The following RIC8B variants were observed in gnomAD, a reference collection of about 807,000 sequenced individuals.
RIC8B encodes the protein chaperone Ric-8B.
A neutral mutation model predicts 57.5 loss-of-function variants in RIC8B; 16 were observed. That is an observed-to-expected ratio of 0.28 (90% CI 0.19 to 0.42). RIC8B has a LOEUF of 0.42. RIC8B is among the 10% of genes least tolerant of loss of function. The pLI, the probability that RIC8B is intolerant of heterozygous loss-of-function variation, is 1.00. For missense variants in RIC8B, 481 were observed against 677.0 expected, an observed-to-expected ratio of 0.71 and a Z score of 3.21; for synonymous variants, 216 against 250.8, an observed-to-expected ratio of 0.86 and a Z score of 1.31.
At chr12:106,823,324 A>G (rs1236127851) in intron 3 of RIC8B, 2 of 406,838 alleles carry the variant, frequency 4.9e-6, no homozygotes, top group African/African-American at 2.0e-5. Context: ...GAGGCAAACA[A>G]TCCAGGGATT....
In RIC8B at chr12:106,887,666, A is replaced by G. The variant is rs1182694350; in HGVS notation, c.*1651A>G. 6.6e-6 allele frequency: 1 copy of G among 152,236 alleles called. No individual in the cohort carries two copies. The highest frequency in any genetic ancestry group is 1.9e-4 in the East Asian group (1 of 5,202). 9.4% of individuals were successfully genotyped at this position (152,236 alleles called of 1,614,324 possible). On this transcript the variant is annotated 3_prime_UTR_variant, in exon 10 of 10. Coordinates refer to ENST00000392837, the MANE Select transcript of RIC8B (RefSeq NM_001330145.2). ...AAGAATGGCAAAGAAAGAGGCTGCT[A>G]GATTGAAGGCAGGCATACTGAAAGA...
chr12:106,779,327 G>A (rs967206631), intron 1 of RIC8B, among the ~76,000 whole-genome samples: 3 of 151,912 alleles, frequency 2.0e-5, no homozygotes, highest in Non-Finnish European at 2.9e-5. Context: ...CGCCTCCCAG[G>A]TTCAAGCGAT....
intron 2 of RIC8B, among the ~76,000 whole-genome samples, chr12:106,797,556 T>A (rs1280569170): frequency 6.6e-6 from 1 of 152,222 alleles, no homozygotes; most frequent in Non-Finnish European, 1.5e-5. Flanking sequence ...ATGATGAGAA[T>A]GTTCTAAAAT....
rs566777609 is a variant in RIC8B at position 106,787,184 on chromosome 12, T to G, written c.132+3140T>G. 2.0e-5 allele frequency among the ~76,000 whole-genome samples: 3 copies of G among 152,332 alleles called. No individual in the cohort carries two copies. The South Asian group carries it at 6.2e-4, about 32-fold the overall frequency. ...TTATTACCAGTTACAGTGTGTAGGT[T>G]TCTGCTTCCTGGGAGGTCTGTTATA... is the stretch of plus-strand genomic sequence containing the variant. On this transcript the variant is annotated intron_variant, in intron 2 of 9. Transcript: ENST00000392837.
At chr12:106,822,381 A>AAAGAT (rs1400691135) in intron 3 of RIC8B, 6 of 152,232 alleles carry the variant, frequency 3.9e-5, no homozygotes, top group African/African-American at 1.4e-4. Flanking sequence ...ACATATGGAT[A>AAAGAT]TAACCTGTGA....
At chr12:106,803,441 G>A (rs141144929) in intron 2 of RIC8B, among the ~76,000 whole-genome samples, 1,674 of 152,128 alleles carry the variant, frequency 0.011, 11 homozygotes, top group South Asian at 0.045. Context: ...TGTGCAGCTC[G>A]TTTCTAGACT....
intron 3 of RIC8B, among the ~76,000 whole-genome samples, chr12:106,822,077 CAAAAAAAA>C (rs67378158): frequency 1.3e-4 from 5 of 38,038 alleles, no homozygotes; most frequent in Admixed American, 8.2e-4. Context: ...GACTCCATCT[CAAAAAAAA>C]AAAAAAAAAA....
rs577076760 is a variant in RIC8B, at chr12:106,819,280, C to T, written c.741+3976C>T. ...CAGTGCTCCAAGTTCCTCCCTCTCACTTTAAATAAAGAGCACCAATTGTTC... is the reference window on the plus strand; with the variant it reads ...CAGTGCTCCAAGTTCCTCCCTCTCATTTTAAATAAAGAGCACCAATTGTTC... On this transcript the variant is annotated intron_variant, in intron 3 of 9. Coordinates refer to ENST00000392837, the MANE Select transcript of RIC8B (RefSeq NM_001330145.2). Among the ~76,000 whole-genome samples the T allele has an allele frequency of 3.9e-5, 6 of 152,268 alleles. No individual in the cohort carries two copies. The South Asian group carries it at 1.2e-3, about 32-fold the overall frequency.
At chr12:106,841,889 T>C (rs1021469794) in intron 4 of RIC8B, among the ~76,000 whole-genome samples, 4 of 152,158 alleles carry the variant, frequency 2.6e-5, no homozygotes, top group African/African-American at 7.2e-5. Context: ...GCCAAAAATA[T>C]AAGGTTTGGG....
In RIC8B at chr12:106,879,295, A is replaced by G. The variant is rs1044968615; in HGVS notation, c.1572-6609A>G. The G allele has an allele frequency of 4.1e-6, 4 of 985,282 alleles. No homozygotes were observed. The African/African-American group carries it at 5.2e-5, about 13-fold the overall frequency. 61.0% of individuals were successfully genotyped at this position (985,282 alleles called of 1,614,324 possible). ...AGAGTATTCTCTTGCTTTCAGGTCA[A>G]GTAAAGTGTTTTATACACATACACG... On this transcript the variant is annotated intron_variant, in intron 9 of 9. Coordinates refer to ENST00000392837, the MANE Select transcript of RIC8B (RefSeq NM_001330145.2). This position sits in a 1 kb window ranked among gnomAD's most constrained non-coding sequence, Gnocchi z 4.9.
intron 1 of RIC8B, chr12:106,775,178 A>G (rs1593042611): frequency 4.8e-6 from 2 of 418,472 alleles, no homozygotes; most frequent in South Asian, 3.9e-5. Context: ...CCTCACCTGT[A>G]TAGCATAAAA....
In RIC8B at chr12:106,887,657, G is replaced by A. The variant is rs1192955181; in HGVS notation, c.*1642G>A. ...AGCTCACAAAAGAATGGCAAAGAAAGAGGCTGCTAGATTGAAGGCAGGCAT... is the reference window on the plus strand; with the variant it reads ...AGCTCACAAAAGAATGGCAAAGAAAAAGGCTGCTAGATTGAAGGCAGGCAT... On this transcript the variant is annotated 3_prime_UTR_variant, in exon 10 of 10. Transcript: ENST00000392837. The A allele has an allele frequency of 6.6e-6, 1 of 152,192 alleles. No homozygotes were observed. Among genetic ancestry groups the A allele is most frequent in the Non-Finnish European group, 1.5e-5 (1 of 68,032 alleles). 9.4% of individuals were successfully genotyped at this position (152,192 alleles called of 1,614,324 possible). A position where few individuals can be genotyped will look rare whatever the true frequency, so the allele number is the denominator to read the frequency against.
intron 8 of RIC8B, among the ~76,000 whole-genome samples, chr12:106,861,779 A>T (rs1376362631): frequency 6.6e-6 from 1 of 152,120 alleles, no homozygotes; most frequent in Non-Finnish European, 1.5e-5. Flanking sequence ...TCATTAAAAT[A>T]CACCACTTGA....
intron 7 of RIC8B, among the ~76,000 whole-genome samples, chr12:106,856,289 G>C (rs938938619): frequency 6.6e-6 from 1 of 152,136 alleles, no homozygotes; most frequent in Non-Finnish European, 1.5e-5. Context: ...ATATAATCTT[G>C]TCATTCCCCT....
chr12:106,877,715 G>A (rs1950730721), intron 9 of RIC8B, among the ~76,000 whole-genome samples: 1 of 152,090 alleles, frequency 6.6e-6, no homozygotes, highest in African/African-American at 2.4e-5. Flanking sequence ...GCTTCCCTAT[G>A]GGACTATTTA....
chr12:106,852,841 A>G (rs942397561), intron 7 of RIC8B, among the ~76,000 whole-genome samples: 1 of 152,248 alleles, frequency 6.6e-6, no homozygotes, highest in Non-Finnish European at 1.5e-5. Flanking sequence ...TTGATTTAGC[A>G]TCTTGGAATT....
At chr12:106,811,026 T>TTAAG (rs1359636447) in intron 2 of RIC8B, among the ~76,000 whole-genome samples, 4 of 152,244 alleles carry the variant, frequency 2.6e-5, no homozygotes, top group African/African-American at 9.6e-5. Context: ...TTAGAGTCTA[T>TTAAG]GGTGGGTTGA....
At chr12:106,793,562 C>T (rs1330017718) in intron 2 of RIC8B, among the ~76,000 whole-genome samples, 2 of 152,126 alleles carry the variant, frequency 1.3e-5, no homozygotes, top group Non-Finnish European at 2.9e-5. Context: ...AGGAACTATC[C>T]CTTCAAAAGA....
At chr12:106,798,434 T>C (rs140305488) in intron 2 of RIC8B, among the ~76,000 whole-genome samples, 45 of 152,272 alleles carry the variant, frequency 3.0e-4, no homozygotes, top group African/African-American at 9.2e-4. Flanking sequence ...AATTCCTCTG[T>C]CTTCTTTTCT....
Sources: allele counts gnomAD v4.1 joint callset (sites outside exome capture counted in the v4.1 genomes callset), GRCh38; gene constraint gnomAD v4.1.1; non-coding constraint Gnocchi (gnomAD v3.1); transcripts MANE v1.5; gene names NCBI Gene and HGNC (gene_info 2026-07-23, HGNC 2026-07-21).